AFG2A: variants seen among roughly 807,000 people sequenced by gnomAD.
AFG2A encodes ATPase family gene 2 protein homolog A.
At chr4:122,935,921 T>C in the AFG2A span, 8 of 1,413,788 alleles carry the variant, frequency 5.7e-6, no homozygotes, top group South Asian at 7.7e-5. Flanking sequence ...GATTGTGTAG[T>C]ATTCTGTGTG....
At chr4:122,944,534 C>T in the AFG2A span, among the ~76,000 whole-genome samples, 116 of 152,242 alleles carry the variant, frequency 7.6e-4, no homozygotes, top group African/African-American at 2.6e-3. Context: ...GTTATACATT[C>T]GCCTAAATTT....
chr4:123,126,807 C>G, the AFG2A span, among the ~76,000 whole-genome samples: 18 of 152,150 alleles, frequency 1.2e-4, no homozygotes, highest in African/African-American at 4.3e-4. Flanking sequence ...TATAAACTAC[C>G]CAGTAGCCTT....
At chr4:123,254,865 A>G in the AFG2A span, among the ~76,000 whole-genome samples, 1 of 152,226 alleles carries the variant, frequency 6.6e-6, no homozygotes, top group Admixed American at 6.5e-5. Flanking sequence ...GACTGCATTC[A>G]GCTCTAGAAC....
At chr4:123,231,167 A>G in the AFG2A span, among the ~76,000 whole-genome samples, 3 of 152,028 alleles carry the variant, frequency 2.0e-5, no homozygotes, top group Non-Finnish European at 2.9e-5. Context: ...CTCTCTAGCT[A>G]TGAAAGTCCT....
the AFG2A span, among the ~76,000 whole-genome samples, chr4:123,016,771 G>A: frequency 6.6e-6 from 1 of 152,132 alleles, no homozygotes; most frequent in East Asian, 1.9e-4. Flanking sequence ...CAAGGCAGGC[G>A]GCTGGGAGGT....
chr4:123,093,048 G>T, the AFG2A span, among the ~76,000 whole-genome samples: 4 of 152,136 alleles, frequency 2.6e-5, no homozygotes, highest in African/African-American at 9.7e-5. Context: ...ACCTAGATTA[G>T]CATTTGATTG....
At chr4:123,027,689 G>C in the AFG2A span, among the ~76,000 whole-genome samples, 2 of 152,022 alleles carry the variant, frequency 1.3e-5, no homozygotes, top group African/African-American at 4.8e-5. Flanking sequence ...TCTTGTTCTG[G>C]GGGTATTTCT....
At chr4:123,024,132 T>G in the AFG2A span, among the ~76,000 whole-genome samples, 1 of 149,214 alleles carries the variant, frequency 6.7e-6, no homozygotes, top group East Asian at 2.0e-4. Context: ...AGATTACAAC[T>G]ATTCAAAGAA....
the AFG2A span, among the ~76,000 whole-genome samples, chr4:123,105,795 T>C: frequency 1.3e-5 from 2 of 152,200 alleles, no homozygotes; most frequent in African/African-American, 4.8e-5. Context: ...CAAATTAGAA[T>C]GGATGAGGAG....
At chr4:123,034,224 A>G in the AFG2A span, among the ~76,000 whole-genome samples, 2 of 152,120 alleles carry the variant, frequency 1.3e-5, no homozygotes, top group Non-Finnish European at 2.9e-5. Flanking sequence ...CAGGCTGACT[A>G]CAGGACTTGA....
the AFG2A span, among the ~76,000 whole-genome samples, chr4:123,245,959 A>C: frequency 6.6e-6 from 1 of 152,178 alleles, no homozygotes; most frequent in Non-Finnish European, 1.5e-5. Flanking sequence ...CTAAGCACTA[A>C]AGACTCCCAC....
chr4:123,313,486 C>T, the AFG2A span, among the ~76,000 whole-genome samples: 1 of 152,234 alleles, frequency 6.6e-6, no homozygotes, highest in Non-Finnish European at 1.5e-5. Flanking sequence ...ATATCTCCCC[C>T]TCTGCCCTCC....
the AFG2A span, among the ~76,000 whole-genome samples, chr4:123,136,194 C>T: frequency 4.6e-5 from 7 of 152,238 alleles, no homozygotes; most frequent in Admixed American, 1.3e-4. Context: ...TGATCACCCA[C>T]GACATTGTCC....
chr4:123,179,296 G>A, the AFG2A span, among the ~76,000 whole-genome samples: 1 of 148,478 alleles, frequency 6.7e-6, no homozygotes, highest in African/African-American at 2.4e-5. Flanking sequence ...AAAATTGTCA[G>A]CTCACACATA....
chr4:123,022,875 G>A, the AFG2A span, among the ~76,000 whole-genome samples: 1 of 152,068 alleles, frequency 6.6e-6, no homozygotes, highest in South Asian at 2.1e-4. Context: ...ATGAGTTCAT[G>A]TCCTTTGTAG....
At chr4:123,224,910 T>G in the AFG2A span, among the ~76,000 whole-genome samples, 467 of 152,150 alleles carry the variant, frequency 3.1e-3, 3 homozygotes, top group Middle Eastern at 0.017. Context: ...ATTCTAACTG[T>G]TGTGAGATGG....
chr4:123,269,886 G>T, the AFG2A span, among the ~76,000 whole-genome samples: 6 of 152,114 alleles, frequency 3.9e-5, no homozygotes, highest in African/African-American at 1.4e-4. Context: ...GCACCATCTC[G>T]GCTCACGGCA....
the AFG2A span, among the ~76,000 whole-genome samples, chr4:123,026,686 A>G: frequency 6.6e-6 from 1 of 152,198 alleles, no homozygotes; most frequent in African/African-American, 2.4e-5. Context: ...GCTCTAAGAA[A>G]TACTTTTGTT....
the AFG2A span, among the ~76,000 whole-genome samples, chr4:123,136,606 G>A: frequency 0.61 from 92,264 of 151,518 alleles, 32,934 homozygotes; most frequent in East Asian, 0.97. Context: ...CACGAGAGGT[G>A]GAGCTTGCAG....
Sources: gnomAD v4.1 joint callset for allele counts (sites outside exome capture counted in the v4.1 genomes callset) on GRCh38, gnomAD v4.1.1 for gene constraint, MANE v1.5 for transcripts, NCBI Gene and HGNC (gene_info 2026-07-23, HGNC 2026-07-21) for gene names.